Variants in ADAM12 observed in about 807,000 individuals in gnomAD.
The protein encoded by ADAM12 is ADAM metallopeptidase domain 12.
In ADAM12, 70 loss-of-function variants were observed where a neutral mutation model predicts 106.4. The ratio of observed to expected loss-of-function variants is 0.66; its 90% confidence interval spans 0.54 to 0.80. The LOEUF (loss-of-function observed/expected upper bound fraction) is 0.80. Among genes scored for constraint, ADAM12 ranks in the 30% least tolerant of loss-of-function variants. ADAM12 has a pLI of 0.00. For missense variants in ADAM12, 1,010 were observed against 1,171.9 expected (o/e 0.86, Z 2.02); for synonymous variants, 420 against 433.5 (o/e 0.97, Z 0.39).
chr10:126,083,850 A>G (rs3781021), intron 11 of ADAM12, among the ~76,000 whole-genome samples: 14,966 of 152,270 alleles, frequency 0.098, 995 homozygotes, highest in African/African-American at 0.18. Flanking sequence ...CACAGGCTCA[A>G]ACGATAGAAC....
chr10:126,247,632 A>G (rs1230482483), intron 3 of ADAM12, among the ~76,000 whole-genome samples: 1 of 152,246 alleles, frequency 6.6e-6, no homozygotes, highest in African/African-American at 2.4e-5. Context: ...AGAGTGAATC[A>G]TTTAAAACAG....
intron 14 of ADAM12, among the ~76,000 whole-genome samples, chr10:126,055,169 T>TA (rs1320015536): frequency 6.6e-6 from 1 of 152,198 alleles, no homozygotes; most frequent in African/African-American, 2.4e-5. Flanking sequence ...CCCATCCCCT[T>TA]ACTCCTTTCA....
intron 3 of ADAM12, among the ~76,000 whole-genome samples, chr10:126,162,722 G>T (rs1337613291): frequency 6.6e-6 from 1 of 152,280 alleles, no homozygotes; most frequent in African/African-American, 2.4e-5. Flanking sequence ...GAAATTCAGG[G>T]GGGCCCAGAA....
At chr10:126,315,077 G>A (rs1024990296) in intron 2 of ADAM12, among the ~76,000 whole-genome samples, 9 of 152,270 alleles carry the variant, frequency 5.9e-5, no homozygotes, top group Non-Finnish European at 1.0e-4. Flanking sequence ...CTCATTTGCC[G>A]TCATGGTTGC....
In ADAM12 at chr10:126,019,817, A is replaced by G. The variant is rs756219749; in HGVS notation, c.2538T>C (p.Cys846=). 7 of 1,613,534 alleles carry G rather than the reference A, an allele frequency of 4.3e-6. No homozygotes were observed. The South Asian group carries it at 6.6e-5, about 15-fold the overall frequency. ...KPALRQAQGT[C]KPNPPQKPLP... The stretch of plus-strand genomic sequence containing the variant: ...GAGGCTTCTGAGGGGGGTTTGGCTT[A>G]CAGGTCCCCTGCAATAAACATAGGG... The change falls in exon 22 of 23, where the codon TGT becomes TGC. Residue 846 remains cysteine (C), a synonymous_variant. Coordinates refer to ENST00000448723, the MANE Select transcript of ADAM12 (RefSeq NM_001288973.2).
chr10:126,249,707 A>G (rs1031935177), intron 3 of ADAM12, among the ~76,000 whole-genome samples: 1 of 152,160 alleles, frequency 6.6e-6, no homozygotes, highest in Non-Finnish European at 1.5e-5. Context: ...AAAAAGAAAA[A>G]CAAAAAGAAA....
At chr10:126,029,913 G>A (rs1264326846) in intron 21 of ADAM12, among the ~76,000 whole-genome samples, 3 of 152,156 alleles carry the variant, frequency 2.0e-5, no homozygotes, top group Non-Finnish European at 4.4e-5. Flanking sequence ...AGCTGAAACA[G>A]CTCCTTTAAA....
intron 3 of ADAM12, among the ~76,000 whole-genome samples, chr10:126,223,862 G>A (rs1196360934): frequency 6.6e-6 from 1 of 152,210 alleles, no homozygotes; most frequent in Non-Finnish European, 1.5e-5. Flanking sequence ...CTTTATGTGA[G>A]GCCAATGCTG....
chr10:126,124,430 T>C (rs1956165686), intron 5 of ADAM12, among the ~76,000 whole-genome samples: 1 of 152,072 alleles, frequency 6.6e-6, no homozygotes, highest in Admixed American at 6.6e-5. Flanking sequence ...ACTACTCAGG[T>C]ACAGTCAAAA....
chr10:126,135,903 C>T (rs1298399790), intron 4 of ADAM12, among the ~76,000 whole-genome samples: 1 of 152,254 alleles, frequency 6.6e-6, no homozygotes, highest in African/African-American at 2.4e-5. Flanking sequence ...TCTTGTCTCT[C>T]TGGCACCCTA....
intron 4 of ADAM12, among the ~76,000 whole-genome samples, chr10:126,144,517 T>C (rs1956589426): frequency 6.6e-6 from 1 of 152,194 alleles, no homozygotes; most frequent in Non-Finnish European, 1.5e-5. Flanking sequence ...TGAGAGAAAT[T>C]GACCCATTAG....
At chr10:126,368,659 G>GT (rs5788783) in intron 1 of ADAM12, among the ~76,000 whole-genome samples, 28,920 of 149,104 alleles carry the variant, frequency 0.19, 3,278 homozygotes, top group East Asian at 0.43. Flanking sequence ...TGTTGTTGTT[G>GT]TTTTTTTTTG....
intron 2 of ADAM12, among the ~76,000 whole-genome samples, chr10:126,313,201 A>G (rs1047274591): frequency 6.6e-6 from 1 of 152,118 alleles, no homozygotes; most frequent in Admixed American, 6.5e-5. Context: ...GGCTTTCCAT[A>G]TGGTATCTCC....
intron 21 of ADAM12, among the ~76,000 whole-genome samples, chr10:126,022,776 TAAAC>T (rs1271784595): frequency 6.6e-6 from 1 of 152,256 alleles, no homozygotes; most frequent in Non-Finnish European, 1.5e-5. Flanking sequence ...ATTTTCATTT[TAAAC>T]AAGGAAATGA....
At chr10:126,106,648 G>A (rs1396411560) in intron 8 of ADAM12, among the ~76,000 whole-genome samples, 3 of 151,974 alleles carry the variant, frequency 2.0e-5, no homozygotes, top group African/African-American at 7.3e-5. Context: ...ACCACGCCCA[G>A]CTAGTTTTTG....
At chr10:126,029,849 A>G (rs985303964) in intron 21 of ADAM12, among the ~76,000 whole-genome samples, 6 of 152,240 alleles carry the variant, frequency 3.9e-5, no homozygotes, top group African/African-American at 1.4e-4. Context: ...CGATTGGCAA[A>G]GAGATGAAAA....
intron 11 of ADAM12, among the ~76,000 whole-genome samples, chr10:126,085,766 C>T (rs532071703): frequency 6.6e-6 from 1 of 152,358 alleles, no homozygotes; most frequent in East Asian, 1.9e-4. Flanking sequence ...ATGCATCCAT[C>T]ATCCAGCCAC....
chr10:126,196,168 G>T (rs754132602), intron 3 of ADAM12, among the ~76,000 whole-genome samples: 1 of 152,180 alleles, frequency 6.6e-6, no homozygotes, highest in Admixed American at 6.5e-5. Context: ...TCATTCTAGG[G>T]GATGCTATTT....
chr10:126,285,974 T>A (rs1351323828), intron 2 of ADAM12, among the ~76,000 whole-genome samples: 1 of 30,572 alleles, frequency 3.3e-5, no homozygotes. Context: ...TTGATTTCCC[T>A]ATTTTTTTTT....
Sources: gnomAD v4.1 joint callset for allele counts (sites outside exome capture counted in the v4.1 genomes callset) on GRCh38, gnomAD v4.1.1 for gene constraint, MANE v1.5 for transcripts, NCBI Gene and HGNC (gene_info 2026-07-23, HGNC 2026-07-21) for gene names.